Variants in TIMP2 observed in about 807,000 individuals in gnomAD.
The protein encoded by TIMP2 is TIMP metallopeptidase inhibitor 2.
TIMP2 carries 5 observed loss-of-function variants against 24.3 expected under a neutral mutation model. That is an observed-to-expected ratio of 0.21 (90% CI 0.11 to 0.43). TIMP2 has a LOEUF of 0.43. TIMP2 is among the 20% of genes least tolerant of loss of function. The pLI, the probability that TIMP2 is intolerant of heterozygous loss-of-function variation, is 1.00. For missense variants in TIMP2, 221 were observed against 297.5 expected (o/e 0.74, Z 1.89); for synonymous variants, 130 against 123.2 (o/e 1.06, Z -0.37).
intron 2 of TIMP2, 51 bp from the exon 3 acceptor site, chr17:78,871,057 G>A: frequency 6.7e-7 from 1 of 1,497,948 alleles, no homozygotes; most frequent in Non-Finnish European, 9.2e-7. Flanking sequence ...CACACAGTTG[G>A]TGAATTCCGT....
Position 78,891,936 on chromosome 17 carries a change from TGG to T in TIMP2, c.131-18019_131-18018del. ...GCTGTCTTCCGGGGCCTGGAGTGCC[TGG>T]GGTGTTGCTGGCCCAACTCTTCCCT... On this transcript the variant is annotated intron_variant, in intron 1 of 4. Coordinates refer to ENST00000262768, the MANE Select transcript of TIMP2 (RefSeq NM_003255.5). This position sits in a 1 kb window ranked among gnomAD's most constrained non-coding sequence, Gnocchi z 4.5. 1 of 1,550,568 alleles carries T rather than the reference TGG, an allele frequency of 6.4e-7. No individual in the cohort carries two copies. The highest frequency in any genetic ancestry group is 1.4e-5 in the African/African-American group (1 of 73,162).
chr17:78,903,840 G>A (rs2070130749), intron 1 of TIMP2, among the ~76,000 whole-genome samples: 1 of 152,072 alleles, frequency 6.6e-6, no homozygotes, highest in African/African-American at 2.4e-5. Context: ...AGGAGTAGCT[G>A]CTGGAAATGG....
intron 3 of TIMP2, among the ~76,000 whole-genome samples, chr17:78,863,531 T>G (rs1328858786): frequency 6.6e-5 from 10 of 152,216 alleles, no homozygotes; most frequent in African/African-American, 2.4e-4. Context: ...CGTCAGCCAC[T>G]GCGCTGGGCT....
intron 1 of TIMP2, among the ~76,000 whole-genome samples, chr17:78,880,985 G>A (rs139678865): frequency 0.011 from 1,736 of 152,334 alleles, 22 homozygotes; most frequent in Non-Finnish European, 0.018. Context: ...TCTCGGCTAC[G>A]GGACGTGCTC....
At chr17:78,910,677 A>G (rs2070199831) in intron 1 of TIMP2, among the ~76,000 whole-genome samples, 2 of 151,998 alleles carry the variant, frequency 1.3e-5, no homozygotes, top group Admixed American at 1.3e-4. Context: ...TAGCTTTCCC[A>G]TATGAGTGAG....
At chr17:78,898,597 C>T (rs559443908) in intron 1 of TIMP2, 3 of 152,388 alleles carry the variant, frequency 2.0e-5, no homozygotes, top group Admixed American at 6.5e-5. Flanking sequence ...CGATCATCCC[C>T]ATCTTCTTTC....
In TIMP2 at chr17:78,891,370, G is replaced by A; in HGVS notation, c.131-17451C>T. 6.4e-7 allele frequency: 1 copy of A among 1,550,622 alleles called. No homozygotes were observed. The highest frequency in any genetic ancestry group is 8.7e-7 in the Non-Finnish European group (1 of 1,147,012). On this transcript the variant is annotated intron_variant, in intron 1 of 4. Transcript: ENST00000262768. This position sits in a 1 kb window ranked among gnomAD's most constrained non-coding sequence, Gnocchi z 4.5. ...CGCCACACTCTTGCATCTCTGAGAA[G>A]GCATGCCCTTCCCCAGGTCTCTGGT... is the stretch of plus-strand genomic sequence containing the variant.
In TIMP2 at chr17:78,855,842, G is replaced by T; in HGVS notation, c.488C>A (p.Pro163Gln). The change falls in exon 5 of 5, where the codon CCG (proline) becomes CAG (glutamine). Residue 163 changes from proline (P) to glutamine (Q), a missense_variant. By Grantham distance (76) the Pro-to-Gln change is moderately conservative (BLOSUM62 -1). Coordinates refer to ENST00000262768, the MANE Select transcript of TIMP2 (RefSeq NM_003255.5). This position sits in a 1 kb window ranked among gnomAD's most constrained non-coding sequence, Gnocchi z 6.0. ...ECKITRCPMI[P>Q]CYISSPDECL... ...CTCGTCCGGGGAGGAGATGTAGCAC[G>T]GGATCATGGGGCAGCGCGTGATCTG... is the stretch of plus-strand genomic sequence containing the variant. 6.2e-7 allele frequency: 1 copy of T among 1,614,068 alleles called. No homozygotes were observed. The highest frequency in any genetic ancestry group is 2.2e-5 in the East Asian group (1 of 44,872).
intron 3 of TIMP2, among the ~76,000 whole-genome samples, chr17:78,868,119 C>T (rs1417829287): frequency 2.0e-5 from 3 of 152,176 alleles, no homozygotes; most frequent in Non-Finnish European, 2.9e-5. Context: ...GAAAAAAGTA[C>T]ATGTCACCTA....
At position 78,891,020 on chromosome 17, in the gene TIMP2, C is replaced by CT. The variant is rs757128029; in HGVS notation, c.131-17102dup. On this transcript the variant is annotated intron_variant, in intron 1 of 4. Transcript: ENST00000262768. The surrounding 1 kb of genome is among the most constrained non-coding windows in gnomAD (Gnocchi z 4.5). ...TTGCCTGGATGCCGTCGAGCCCACT[C>CT]TGTCTGCCTGGTCTTGAAGGTGGAG... is the stretch of plus-strand genomic sequence containing the variant. 26 of 1,551,236 alleles carry CT rather than the reference C, an allele frequency of 1.7e-5. No homozygotes were observed. The highest frequency in any genetic ancestry group is 2.3e-5 in the Non-Finnish European group (26 of 1,147,152).
intron 1 of TIMP2, among the ~76,000 whole-genome samples, chr17:78,877,351 G>A (rs1324429014): frequency 2.0e-5 from 3 of 152,192 alleles, no homozygotes; most frequent in South Asian, 2.1e-4. Context: ...GGCCGAGGCG[G>A]GCGGATCACT....
chr17:78,907,805 C>A (rs1358415751), intron 1 of TIMP2, among the ~76,000 whole-genome samples: 1 of 152,168 alleles, frequency 6.6e-6, no homozygotes, highest in Non-Finnish European at 1.5e-5. Flanking sequence ...GGAAAATACA[C>A]CCTTGCCAAA....
At chr17:78,870,428 AGAAAG>A (rs371558471) in intron 3 of TIMP2, among the ~76,000 whole-genome samples, 3,208 of 20,260 alleles carry the variant, frequency 0.16, 227 homozygotes, top group African/African-American at 0.26. Context: ...AAAAAAAGAA[AGAAAG>A]AAAGAAAGAA....
intron 3 of TIMP2, among the ~76,000 whole-genome samples, chr17:78,866,801 G>A (rs912617403): frequency 1.1e-4 from 17 of 152,108 alleles, no homozygotes; most frequent in South Asian, 2.1e-4. Flanking sequence ...GTATGATTCC[G>A]TTCCCAGGAA....
chr17:78,859,708 C>T (rs2069553331), intron 3 of TIMP2, among the ~76,000 whole-genome samples: 1 of 151,842 alleles, frequency 6.6e-6, no homozygotes, highest in African/African-American at 2.4e-5. Context: ...ACTAATCTTT[C>T]AGGCAGGGCA....
intron 1 of TIMP2, among the ~76,000 whole-genome samples, chr17:78,918,078 A>ACACACACGCG (rs1555652982): frequency 1.7e-4 from 26 of 149,254 alleles, no homozygotes; most frequent in African/African-American, 6.2e-4. Flanking sequence ...ACACACACAC[A>ACACACACGCG]CACACACACA....
chr17:78,901,583 G>A (rs530018493), intron 1 of TIMP2, among the ~76,000 whole-genome samples: 1 of 152,258 alleles, frequency 6.6e-6, no homozygotes, highest in South Asian at 2.1e-4. Context: ...AAGGGTGTTT[G>A]CAAAGGATAG....
chr17:78,871,610 G>T (rs1383351106), intron 2 of TIMP2, among the ~76,000 whole-genome samples: 1 of 152,006 alleles, frequency 6.6e-6, no homozygotes, highest in East Asian at 1.9e-4. Context: ...ACTTTGGGAG[G>T]CCGAGGCAGG....
Position 78,925,083 on chromosome 17 carries a change from G to A in TIMP2, c.6C>T (p.Gly2=). The change falls in exon 1 of 5, where the codon GGC becomes GGT. Residue 2 remains glycine, a synonymous_variant. Coordinates refer to ENST00000262768, the MANE Select transcript of TIMP2 (RefSeq NM_003255.5). M[G]AAARTLRLAL... ...CCAGCCGCAGGGTGCGGGCCGCGGC[G>A]CCCATGGCGGGCCGGGGGGCTGGGC... The A allele has an allele frequency of 2.4e-6, 1 of 421,004 alleles. No homozygotes were observed. Among genetic ancestry groups the A allele is most frequent in the Non-Finnish European group, 3.1e-6 (1 of 320,880 alleles). The allele number at this position is 421,004 out of a possible 1,614,324, so 26.1% of individuals were successfully genotyped here.
Sources: gnomAD v4.1 joint callset for allele counts (sites outside exome capture counted in the v4.1 genomes callset) on GRCh38, gnomAD v4.1.1 for gene constraint, Gnocchi (gnomAD v3.1) non-coding constraint, MANE v1.5 for transcripts, NCBI Gene and HGNC (gene_info 2026-07-23, HGNC 2026-07-21) for gene names.